Variants in ZNF805 observed in about 807,000 individuals in gnomAD.
The protein encoded by ZNF805 is zinc finger protein 805.
In ZNF805, 7 loss-of-function variants were observed where a neutral mutation model predicts 13.6. The ratio of observed to expected loss-of-function variants is 0.51; its 90% confidence interval spans 0.29 to 0.97. The LOEUF (loss-of-function observed/expected upper bound fraction) is 0.97, where lower values mean the gene tolerates loss of function less well. ZNF805 is among the 50% of genes least tolerant of loss of function. The pLI is 0.08. For missense variants in ZNF805, 604 were observed against 771.0 expected (o/e 0.78, Z 2.57); for synonymous variants, 293 against 279.8 (o/e 1.05, Z -0.47).
At chr19:57,242,776 T>A (rs927750869) in intron 1 of ZNF805, among the ~76,000 whole-genome samples, 2 of 152,216 alleles carry the variant, frequency 1.3e-5, no homozygotes, top group African/African-American at 2.4e-5. Context: ...CTAAAATAGA[T>A]TAAATAGCAA....
In ZNF805 at chr19:57,257,106, T is replaced by C. The variant is rs570265274; in HGVS notation, c.*2403T>C. On this transcript the variant is annotated 3_prime_UTR_variant, in exon 4 of 4. Coordinates refer to ENST00000414468, the MANE Select transcript of ZNF805 (RefSeq NM_001023563.4). ...TTGGAGTATTCCCTGCTATTTGTTA[T>C]TGATTTCTAATTTGTTTTGCATTTG... Among the ~76,000 whole-genome samples the C allele has an allele frequency of 4.6e-5, 7 of 152,370 alleles. No homozygotes were observed. The highest frequency in any genetic ancestry group is 1.9e-4 in the East Asian group (1 of 5,194).
At chr19:57,247,760 A>T (rs955768579) in intron 2 of ZNF805, among the ~76,000 whole-genome samples, 1 of 152,186 alleles carries the variant, frequency 6.6e-6, no homozygotes, top group African/African-American at 2.4e-5. Flanking sequence ...AGATGGCAGG[A>T]CCTGGGTTTC....
Position 57,258,437 on chromosome 19 carries a change from GT to G in ZNF805, c.*3747del, listed in dbSNP as rs3028396. 6.1e-4 allele frequency among the ~76,000 whole-genome samples: 79 copies of G among 130,008 alleles called. No individual in the cohort carries two copies. Among genetic ancestry groups the G allele is most frequent in the South Asian group, 1.2e-3 (5 of 4,102 alleles). The allele number at this position is 130,008 out of a possible 152,430, so 85.3% of individuals were successfully genotyped here. The stretch of plus-strand genomic sequence containing the variant: ...GTTGCTTCTTTCTTGGTTTGTTTGG[GT>G]TTTTTTTTTTTTGTCTTTAACATTT... On this transcript the variant is annotated 3_prime_UTR_variant, in exon 4 of 4. Coordinates refer to ENST00000414468, the MANE Select transcript of ZNF805 (RefSeq NM_001023563.4).
At chr19:57,246,395 A>G (rs1254119141) in intron 2 of ZNF805, among the ~76,000 whole-genome samples, 1 of 152,190 alleles carries the variant, frequency 6.6e-6, no homozygotes, top group Non-Finnish European at 1.5e-5. Context: ...ACCTGCCATC[A>G]AGACAAGTGA....
Position 57,243,829 on chromosome 19 carries a change from C to T in ZNF805, c.31-94C>T. The T allele has an allele frequency of 3.8e-6, 6 of 1,566,820 alleles. No individual in the cohort carries two copies. In the Admixed American group the frequency reaches 1.1e-4, roughly 28 times the overall value. ...CAAAGTTAGGCCCTCAGGAGGCCCTCAGTGACTTGGGCCTTGATCTTGTTG... is the reference window on the plus strand; with the variant it reads ...CAAAGTTAGGCCCTCAGGAGGCCCTTAGTGACTTGGGCCTTGATCTTGTTG... On this transcript the variant is annotated intron_variant, in intron 1 of 3. Transcript: ENST00000414468.
rs748839780 is a variant in ZNF805 at position 57,254,724 on chromosome 19, T to C, written c.*21T>C. On this transcript the variant is annotated 3_prime_UTR_variant, in exon 4 of 4. Coordinates refer to ENST00000414468, the MANE Select transcript of ZNF805 (RefSeq NM_001023563.4). ...TGTGAGAAAACCTTCTGTTGCCAAATGTCATTTGTCACCTAAGGAGTCATA... is the reference window on the plus strand; with the variant it reads ...TGTGAGAAAACCTTCTGTTGCCAAACGTCATTTGTCACCTAAGGAGTCATA... The C allele has an allele frequency of 3.8e-6, 6 of 1,585,874 alleles. No individual in the cohort carries two copies. In the East Asian group the frequency reaches 1.1e-4, roughly 30 times the overall value.
At chr19:57,243,896 C>A (rs1198705026) in intron 1 of ZNF805, 27 bp from the exon 2 acceptor site, 8 of 1,614,006 alleles carry the variant, frequency 5.0e-6, no homozygotes, top group Non-Finnish European at 5.9e-6. Flanking sequence ...CCACAGCAAA[C>A]TCTACTACCT....
intron 3 of ZNF805, among the ~76,000 whole-genome samples, chr19:57,249,414 A>G (rs2087638271): frequency 1.3e-5 from 2 of 152,252 alleles, no homozygotes; most frequent in Non-Finnish European, 2.9e-5. Flanking sequence ...TTTTATAAAA[A>G]ACAAAAAAGA....
chr19:57,246,176 G>A (rs907854877), intron 2 of ZNF805, among the ~76,000 whole-genome samples: 3 of 152,124 alleles, frequency 2.0e-5, no homozygotes, highest in Non-Finnish European at 4.4e-5. Context: ...GGACCAAAGA[G>A]CACTGTTTGT....
rs2122847843 is a variant in ZNF805 at position 57,256,411 on chromosome 19, G to A, written c.*1708G>A. On this transcript the variant is annotated 3_prime_UTR_variant, in exon 4 of 4. Coordinates refer to ENST00000414468, the MANE Select transcript of ZNF805 (RefSeq NM_001023563.4). Reference sequence around the variant, plus strand: ...ATCATGTGTAGAATTGGTGTTATTTGTTCCTTTAATGTTTGGTAGCTTTCT... The same window carrying A: ...ATCATGTGTAGAATTGGTGTTATTTATTCCTTTAATGTTTGGTAGCTTTCT... 6.6e-6 allele frequency among the ~76,000 whole-genome samples: 1 copy of A among 152,108 alleles called. No homozygotes were observed. The highest frequency in any genetic ancestry group is 2.1e-4 in the South Asian group (1 of 4,818).
rs563885483 is a variant in ZNF805, at chr19:57,245,545, C to T, written c.157+1496C>T. On this transcript the variant is annotated intron_variant, in intron 2 of 3. Transcript: ENST00000414468. Reference sequence around the variant, plus strand: ...CTGTAATCCCAGCACTTTGGGAGGCCGAGATGGGCGGATCACAAGGTCAGG... The same window carrying T: ...CTGTAATCCCAGCACTTTGGGAGGCTGAGATGGGCGGATCACAAGGTCAGG... 2.8e-3 allele frequency among the ~76,000 whole-genome samples: 421 copies of T among 151,324 alleles called. 5 individuals carry two copies. The highest frequency in any genetic ancestry group is 9.5e-3 in the African/African-American group (391 of 41,258).
intron 2 of ZNF805, among the ~76,000 whole-genome samples, chr19:57,245,550 T>A (rs2885166): frequency 6.7e-6 from 1 of 150,250 alleles, no homozygotes; most frequent in African/African-American, 2.5e-5. Flanking sequence ...GAGGCCGAGA[T>A]GGGCGGATCA....
rs2087719130 is a variant in ZNF805, at chr19:57,260,737, C to G, written c.*6034C>G. Among the ~76,000 whole-genome samples the G allele has an allele frequency of 1.3e-5, 2 of 152,164 alleles. No homozygotes were observed. Among genetic ancestry groups the G allele is most frequent in the Non-Finnish European group, 2.9e-5 (2 of 68,034 alleles). ...CAGTGTTTCCCTAAATCTGTGTCTC[C>G]AGGTTGGATGTTTCTCATGTCGTTA... On this transcript the variant is annotated 3_prime_UTR_variant, in exon 4 of 4. Transcript: ENST00000414468.
Position 57,255,023 on chromosome 19 carries a change from C to A in ZNF805, c.*320C>A. On this transcript the variant is annotated 3_prime_UTR_variant, in exon 4 of 4. Transcript: ENST00000414468. ...GAAGGTCTGGAAACTTACTCAATGTCTTTGTTCTACAACATTGTCTCTTCT... is the reference window on the plus strand; with the variant it reads ...GAAGGTCTGGAAACTTACTCAATGTATTTGTTCTACAACATTGTCTCTTCT... The A allele has an allele frequency of 4.1e-6, 1 of 242,262 alleles. No individual in the cohort carries two copies. Among genetic ancestry groups the A allele is most frequent in the Non-Finnish European group, 8.6e-6 (1 of 116,364 alleles). The allele number at this position is 242,262 out of a possible 1,614,324, so 15.0% of individuals were successfully genotyped here.
intron 2 of ZNF805, 120 bp downstream of exon 2, chr19:57,244,169 T>C: frequency 8.1e-7 from 1 of 1,233,836 alleles, no homozygotes; most frequent in Non-Finnish European, 1.1e-6. Context: ...TCCCACAAAT[T>C]CAGTCATTTT....
In ZNF805 at chr19:57,258,608, T is replaced by C. The variant is rs552873694; in HGVS notation, c.*3905T>C. On this transcript the variant is annotated 3_prime_UTR_variant, in exon 4 of 4. Coordinates refer to ENST00000414468, the MANE Select transcript of ZNF805 (RefSeq NM_001023563.4). ...TAATGGTATGAAAAATTTAGCACTT[T>C]GATGTATAGAAACCTTACTTGGTCC... Among the ~76,000 whole-genome samples the C allele has an allele frequency of 7.3e-6, 1 of 136,408 alleles. No homozygotes were observed. Among genetic ancestry groups the C allele is most frequent in the Non-Finnish European group, 1.7e-5 (1 of 60,014 alleles). 89.5% of individuals were successfully genotyped at this position (136,408 alleles called of 152,430 possible). A position where few individuals can be genotyped will look rare whatever the true frequency, so the allele number is the denominator to read the frequency against.
At chr19:57,242,554 CT>C (rs894077359) in intron 1 of ZNF805, among the ~76,000 whole-genome samples, 1 of 152,192 alleles carries the variant, frequency 6.6e-6, no homozygotes, top group African/African-American at 2.4e-5. Context: ...TCTTCAGCCA[CT>C]TGAGTTTTCT....
At chr19:57,251,403 G>T (rs1428897994) in intron 3 of ZNF805, among the ~76,000 whole-genome samples, 4 of 152,108 alleles carry the variant, frequency 2.6e-5, no homozygotes, top group African/African-American at 9.7e-5. Flanking sequence ...TCATGATTCT[G>T]AGCCAATCTA....
At chr19:57,246,981 A>G (rs568293271) in intron 2 of ZNF805, among the ~76,000 whole-genome samples, 1 of 151,928 alleles carries the variant, frequency 6.6e-6, no homozygotes, top group Non-Finnish European at 1.5e-5. Context: ...CCTTCATTTT[A>G]TGAAGCTATC....
Sources: gnomAD v4.1 joint callset for allele counts (sites outside exome capture counted in the v4.1 genomes callset) on GRCh38, gnomAD v4.1.1 for gene constraint, MANE v1.5 for transcripts, NCBI Gene and HGNC (gene_info 2026-07-23, HGNC 2026-07-21) for gene names.